ATRNL1: variants seen among roughly 807,000 people sequenced by gnomAD.
ATRNL1 encodes attractin like 1.
A neutral mutation model predicts 182.7 loss-of-function variants in ATRNL1; 95 were observed. The observed-to-expected ratio is 0.52, with a 90% confidence interval of 0.44 to 0.62. ATRNL1 has a LOEUF of 0.62. ATRNL1 is among the 20% of genes least tolerant of loss of function. The pLI is 0.00. For synonymous variants in ATRNL1, 576 were observed against 568.3 expected (o/e 1.01, Z -0.19); for missense variants, 1,471 against 1,679.5 (o/e 0.88, Z 2.17).
rs116009739 is a variant in ATRNL1 at position 115,912,553 on chromosome 10, T to C, written c.4019-32105T>C. Among the ~76,000 whole-genome samples, 1,408 of 152,148 alleles carry C rather than the reference T, an allele frequency of 9.3e-3. 29 individuals carry two copies. Among genetic ancestry groups the C allele is most frequent in the African/African-American group, 0.033 (1,357 of 41,494 alleles). ...ATCAAGAGCTTCAAAAGAGTTCATA[T>C]TCAGGTTCAGTAATTTCATTTTTAG... On this transcript the variant is annotated intron_variant, in intron 28 of 28. Transcript: ENST00000355044.
At chr10:115,912,080 G>A (rs887286553) in intron 28 of ATRNL1, among the ~76,000 whole-genome samples, 14 of 152,104 alleles carry the variant, frequency 9.2e-5, no homozygotes, top group Admixed American at 7.2e-4. Context: ...GGAAGCATTT[G>A]GGGGGAAGAA....
chr10:115,678,047 A>G (rs1555043599), intron 26 of ATRNL1, among the ~76,000 whole-genome samples: 2 of 152,158 alleles, frequency 1.3e-5, no homozygotes, highest in Non-Finnish European at 2.9e-5. Flanking sequence ...CTTTTGGACT[A>G]CCAGGTCTCA....
chr10:115,310,884 A>G (rs1366849438), intron 17 of ATRNL1, among the ~76,000 whole-genome samples: 6 of 151,878 alleles, frequency 4.0e-5, no homozygotes, highest in Admixed American at 6.6e-5. Flanking sequence ...TTGTTTCTCT[A>G]GTTCTTTGAG....
chr10:115,497,719 G>T (rs1314782942), intron 24 of ATRNL1, among the ~76,000 whole-genome samples: 1 of 151,240 alleles, frequency 6.6e-6, no homozygotes, highest in Admixed American at 6.6e-5. Flanking sequence ...GTGCAGTGGC[G>T]CAATCTCGGC....
chr10:115,944,510 A>T, intron 28 of ATRNL1, 148 bp from the exon 29 acceptor site: 1 of 556,112 alleles, frequency 1.8e-6, no homozygotes, highest in Non-Finnish European at 3.0e-6. Context: ...CATTTTAGGT[A>T]AAGGGCAAAC....
intron 27 of ATRNL1, among the ~76,000 whole-genome samples, chr10:115,839,584 A>G (rs1474613994): frequency 1.3e-5 from 2 of 151,956 alleles, no homozygotes; most frequent in Non-Finnish European, 2.9e-5. Context: ...CTCCTTCATC[A>G]TTCTCCTGGT....
At chr10:115,462,560 C>T (rs1479384852) in intron 22 of ATRNL1, among the ~76,000 whole-genome samples, 2 of 151,894 alleles carry the variant, frequency 1.3e-5, no homozygotes, top group Non-Finnish European at 2.9e-5. Context: ...TGCAGTGAGC[C>T]GAGATCACGC....
intron 24 of ATRNL1, among the ~76,000 whole-genome samples, chr10:115,516,593 A>T (rs1850651443): frequency 6.6e-6 from 1 of 151,858 alleles, no homozygotes; most frequent in South Asian, 2.1e-4. Flanking sequence ...ATGGGTTCCC[A>T]TTGCCCTTAT....
At chr10:115,835,665 G>A (rs1555095191) in intron 27 of ATRNL1, among the ~76,000 whole-genome samples, 2 of 152,172 alleles carry the variant, frequency 1.3e-5, no homozygotes, top group Non-Finnish European at 2.9e-5. Context: ...TTTATCTTTA[G>A]AACTGTGAAT....
chr10:115,900,090 G>A (rs1952312802), intron 28 of ATRNL1, among the ~76,000 whole-genome samples: 1 of 152,046 alleles, frequency 6.6e-6, no homozygotes, highest in Non-Finnish European at 1.5e-5. Context: ...AAAAAGTGGA[G>A]AGTCTACACA....
At chr10:115,651,240 A>G (rs59377038) in intron 26 of ATRNL1, among the ~76,000 whole-genome samples, 1,780 of 152,250 alleles carry the variant, frequency 0.012, 36 homozygotes, top group African/African-American at 0.04. Flanking sequence ...GAGAGAAGAG[A>G]ACAAGGGCTA....
At chr10:115,899,767 T>A (rs1952305660) in intron 28 of ATRNL1, among the ~76,000 whole-genome samples, 1 of 152,206 alleles carries the variant, frequency 6.6e-6, no homozygotes, top group Non-Finnish European at 1.5e-5. Context: ...TCCACTTTCC[T>A]GTATTCTTGA....
chr10:115,906,074 A>T (rs543698509), intron 28 of ATRNL1, among the ~76,000 whole-genome samples: 4 of 152,338 alleles, frequency 2.6e-5, no homozygotes, highest in Admixed American at 2.6e-4. Context: ...TAACTTCCAT[A>T]AGCTTTGATT....
At chr10:115,177,912 G>T (rs201187344) in intron 8 of ATRNL1, among the ~76,000 whole-genome samples, 903 of 70,042 alleles carry the variant, frequency 0.013, 2 homozygotes, top group Middle Eastern at 0.031. Flanking sequence ...TGTTTTTTTT[G>T]TTTTTTTTTT....
At chr10:115,150,241 TG>T (rs1313804610) in intron 5 of ATRNL1, among the ~76,000 whole-genome samples, 2 of 151,750 alleles carry the variant, frequency 1.3e-5, no homozygotes, top group Non-Finnish European at 2.9e-5. Context: ...AATTTTTTTT[TG>T]TTGTTGTTGC....
chr10:115,302,079 G>A, intron 17 of ATRNL1, 36 bp downstream of exon 17: 2 of 1,506,810 alleles, frequency 1.3e-6, no homozygotes, highest in Non-Finnish European at 1.8e-6. Context: ...TCACTTGACA[G>A]CAACGTAAAT....
At chr10:115,926,257 T>C (rs1044461319) in intron 28 of ATRNL1, among the ~76,000 whole-genome samples, 2 of 152,004 alleles carry the variant, frequency 1.3e-5, no homozygotes, top group Non-Finnish European at 1.5e-5. Flanking sequence ...ACAGCTAAAG[T>C]GGTGTTAACA....
intron 19 of ATRNL1, among the ~76,000 whole-genome samples, chr10:115,349,475 A>G (rs1238504182): frequency 2.6e-5 from 4 of 152,344 alleles, no homozygotes; most frequent in East Asian, 1.9e-4. Context: ...GGATATAACC[A>G]GTAGTAGAAT....
intron 17 of ATRNL1, among the ~76,000 whole-genome samples, chr10:115,314,662 G>T (rs552935244): frequency 6.6e-6 from 1 of 152,202 alleles, no homozygotes; most frequent in Non-Finnish European, 1.5e-5. Flanking sequence ...AATGTAAGAT[G>T]CTTTGGTTGT....
Sources: gnomAD v4.1 joint callset for allele counts (sites outside exome capture counted in the v4.1 genomes callset) on GRCh38, gnomAD v4.1.1 for gene constraint, MANE v1.5 for transcripts, NCBI Gene and HGNC (gene_info 2026-07-23, HGNC 2026-07-21) for gene names.